The following FILIP1 variants were observed in gnomAD, a reference collection of about 807,000 sequenced individuals.
FILIP1 encodes the protein filamin A interacting protein 1.
Under a neutral mutation model 102.1 loss-of-function variants are expected in FILIP1, and 61 were observed. The observed-to-expected ratio is 0.60, with a 90% CI of 0.49 to 0.74. The LOEUF (loss-of-function observed/expected upper bound fraction) is 0.74. FILIP1 is among the 30% of genes least tolerant of loss of function. The pLI, the probability that FILIP1 is intolerant of heterozygous loss-of-function variation, is 0.00. For missense variants in FILIP1, 1,314 were observed against 1,441.2 expected (o/e 0.91, Z 1.43); for synonymous variants, 491 against 526.9 (o/e 0.93, Z 0.93).
At chr6:75,334,924 G>A (rs146245765) in intron 4 of FILIP1, 1 of 152,172 alleles carries the variant, frequency 6.6e-6, no homozygotes, top group Non-Finnish European at 1.5e-5. Flanking sequence ...TGGAAGGGAA[G>A]GCAGCTCTTA....
chr6:75,426,118 T>C (rs1309845947), intron 1 of FILIP1, among the ~76,000 whole-genome samples: 3 of 152,124 alleles, frequency 2.0e-5, no homozygotes, highest in Admixed American at 6.6e-5. Context: ...AGTTCTTAGT[T>C]TGCCAACCCT....
At chr6:75,476,410 A>G (rs1779476632) in intron 1 of FILIP1, among the ~76,000 whole-genome samples, 1 of 152,298 alleles carries the variant, frequency 6.6e-6, no homozygotes, top group East Asian at 1.9e-4. Flanking sequence ...AAAACATAAG[A>G]GATTATACCC....
intron 4 of FILIP1, among the ~76,000 whole-genome samples, chr6:75,333,169 C>A (rs1264137914): frequency 1.3e-5 from 2 of 152,080 alleles, no homozygotes; most frequent in Non-Finnish European, 2.9e-5. Flanking sequence ...TCCCTTTTTA[C>A]AATGGCAGTT....
At chr6:75,421,994 T>A (rs777994149) in intron 1 of FILIP1, among the ~76,000 whole-genome samples, 5 of 152,152 alleles carry the variant, frequency 3.3e-5, no homozygotes, top group Non-Finnish European at 7.4e-5. Flanking sequence ...ACTTCCAGTA[T>A]CTATAACAGG....
intron 2 of FILIP1, among the ~76,000 whole-genome samples, chr6:75,386,704 C>T (rs946879339): frequency 2.0e-5 from 3 of 152,106 alleles, no homozygotes; most frequent in East Asian, 1.9e-4. Flanking sequence ...AAGCCACAAA[C>T]GAAGAAAACA....
chr6:75,354,298 C>T (rs929333955), intron 3 of FILIP1, among the ~76,000 whole-genome samples: 6 of 152,148 alleles, frequency 3.9e-5, no homozygotes, highest in Non-Finnish European at 7.4e-5. Flanking sequence ...TTTAGCTGGG[C>T]GTGGTGGCTC....
Position 75,469,219 on chromosome 6 carries a change from A to G in FILIP1, c.-7+24195T>C, listed in dbSNP as rs559785416. 7.2e-5 allele frequency among the ~76,000 whole-genome samples: 11 copies of G among 152,164 alleles called. No individual in the cohort carries two copies. In the South Asian group the frequency reaches 2.3e-3, roughly 32 times the overall value. The stretch of plus-strand genomic sequence containing the variant: ...ATGGAAGGGAATTGAAATGGGAAGG[A>G]ATACTTAAGTAAAATTAAAGCATAC... On this transcript the variant is annotated intron_variant, in intron 1 of 5. Transcript: ENST00000237172.
chr6:75,313,450 T>G lies in FILIP1; in HGVS notation c.2382A>C (p.Arg794Ser). 1 of 1,614,202 alleles carries G rather than the reference T, an allele frequency of 6.2e-7. No individual in the cohort carries two copies. The highest frequency in any genetic ancestry group is 1.3e-5 in the African/African-American group (1 of 75,072). The change falls in exon 5 of 6, where the codon AGA becomes AGC. Residue 794 changes from arginine (R) to serine (S), a missense_variant. This residue lies in a region of FILIP1 where 816 missense variants were observed against 913.1 expected (regional missense o/e 0.89). Coordinates refer to ENST00000237172, the MANE Select transcript of FILIP1 (RefSeq NM_015687.5). The surrounding 1 kb of genome is among the most constrained non-coding windows in gnomAD (Gnocchi z 4.2). ...RALRPSVNGRRMVDVPVTSTG... is the reference protein window; with the variant it reads ...RALRPSVNGRSMVDVPVTSTG... ...TTGACGTCACAGGAACATCCACCATTCTTCTTCCATTCACACTGGGCCTAA... is the reference window on the plus strand; with the variant it reads ...TTGACGTCACAGGAACATCCACCATGCTTCTTCCATTCACACTGGGCCTAA...
chr6:75,417,109 G>T (rs1261135607), intron 1 of FILIP1, among the ~76,000 whole-genome samples: 3 of 151,998 alleles, frequency 2.0e-5, no homozygotes, highest in Non-Finnish European at 4.4e-5. Flanking sequence ...TCATTATTCA[G>T]GTTGAAAGCT....
At chr6:75,413,162 G>A (rs1026828608) in intron 2 of FILIP1, among the ~76,000 whole-genome samples, 5 of 152,166 alleles carry the variant, frequency 3.3e-5, no homozygotes, top group African/African-American at 1.2e-4. Flanking sequence ...AGAAATTAGA[G>A]TTTGCAAGAG....
chr6:75,419,182 A>G (rs562122886), intron 1 of FILIP1, among the ~76,000 whole-genome samples: 1 of 152,294 alleles, frequency 6.6e-6, no homozygotes, highest in East Asian at 1.9e-4. Flanking sequence ...TAGTTCCCAG[A>G]CTTCCTTAGC....
At chr6:75,341,622 T>C (rs147881319) in intron 4 of FILIP1, among the ~76,000 whole-genome samples, 3 of 152,292 alleles carry the variant, frequency 2.0e-5, no homozygotes, top group Non-Finnish European at 2.9e-5. Context: ...ATAGTTTGTA[T>C]GTAATATAGT....
intron 3 of FILIP1, chr6:75,362,162 G>A (rs1187118296): frequency 6.6e-6 from 1 of 152,168 alleles, no homozygotes; most frequent in African/African-American, 2.4e-5. Flanking sequence ...CAATGTGAGA[G>A]TATTTTTAAA....
chr6:75,339,741 A>G (rs939199297), intron 4 of FILIP1, among the ~76,000 whole-genome samples: 1 of 152,172 alleles, frequency 6.6e-6, no homozygotes, highest in South Asian at 2.1e-4. Context: ...TGAGGTCAGG[A>G]GTTTGAGACC....
chr6:75,303,400 G>C (rs1420906510), downstream of FILIP1, among the ~76,000 whole-genome samples: 1 of 152,138 alleles, frequency 6.6e-6, no homozygotes, highest in African/African-American at 2.4e-5. Context: ...TCCTTATTGT[G>C]TATACATAAA....
At chr6:75,346,598 TA>T (rs1259133864) in intron 4 of FILIP1, among the ~76,000 whole-genome samples, 2 of 152,150 alleles carry the variant, frequency 1.3e-5, no homozygotes, top group African/African-American at 4.8e-5. Flanking sequence ...CTATGTCTTT[TA>T]AAAGAAGTGA....
Position 75,313,321 on chromosome 6 carries a change from A to T in FILIP1, c.2511T>A (p.Asn837Lys). 1 of 1,614,208 alleles carries T rather than the reference A, an allele frequency of 6.2e-7. No homozygotes were observed. Among genetic ancestry groups the T allele is most frequent in the East Asian group, 2.2e-5 (1 of 44,884 alleles). Residue 837 changes from asparagine to lysine, a missense_variant, in exon 5 of 6, where the codon AAT (asparagine) becomes AAA (lysine). This residue lies in a region of FILIP1 where 816 missense variants were observed against 913.1 expected (regional missense o/e 0.89). Coordinates refer to ENST00000237172, the MANE Select transcript of FILIP1 (RefSeq NM_015687.5). The surrounding 1 kb of genome is among the most constrained non-coding windows in gnomAD (Gnocchi z 4.2). ...GTTTCTTCAATCCCACCTGCCGAAGATTACTCATAATATGATTTTCTTCCT... is the reference window on the plus strand; with the variant it reads ...GTTTCTTCAATCCCACCTGCCGAAGTTTACTCATAATATGATTTTCTTCCT... ...SFQEENHIMS[N>K]LRQVGLKKPV...
At chr6:75,397,541 C>A (rs1205681000) in intron 2 of FILIP1, among the ~76,000 whole-genome samples, 139 of 11,886 alleles carry the variant, frequency 0.012, no homozygotes, top group Non-Finnish European at 0.018. Context: ...ATATAAGACA[C>A]ACACACACAC....
chr6:75,312,441 T>C lies in FILIP1; in HGVS notation c.3391A>G (p.Ile1131Val), dbSNP rs764671310. The stretch of plus-strand genomic sequence containing the variant: ...GCAGATGACGTTGTGACCGGTGTTA[T>C]GGTGATAGTGCTCGTCACTTTGCTT... Reference protein sequence around the residue: ...GASKVTSTITITPVTTSSARG... With the variant: ...GASKVTSTITVTPVTTSSARG... Residue 1131 changes from isoleucine (I) to valine (V), a missense_variant, in exon 5 of 6, where the codon ATA becomes GTA. This residue lies in a region of FILIP1 where 816 missense variants were observed against 913.1 expected (regional missense o/e 0.89). Coordinates refer to ENST00000237172, the MANE Select transcript of FILIP1 (RefSeq NM_015687.5). 3 of 1,614,010 alleles carry C rather than the reference T, an allele frequency of 1.9e-6. No individual in the cohort carries two copies. The highest frequency in any genetic ancestry group is 2.2e-5 in the East Asian group (1 of 44,888).
Sources: gnomAD v4.1 joint callset for allele counts (sites outside exome capture counted in the v4.1 genomes callset) on GRCh38, gnomAD v4.1.1 for gene constraint, gnomAD v4.1.1 regional missense constraint, Gnocchi (gnomAD v3.1) non-coding constraint, MANE v1.5 for transcripts, NCBI Gene and HGNC (gene_info 2026-07-23, HGNC 2026-07-21) for gene names.